STK39: variants seen among roughly 807,000 people sequenced by gnomAD.
STK39 encodes the protein serine/threonine kinase 39, also known as STE20/SPS1-related proline-alanine-rich protein kinase.
In STK39, 20 loss-of-function variants were observed where a neutral mutation model predicts 77.8. That is an observed-to-expected ratio of 0.26 (90% CI 0.18 to 0.37). The LOEUF (loss-of-function observed/expected upper bound fraction) is 0.37. Ranked by LOEUF, STK39 falls within the 10% of genes least tolerant of loss-of-function variation. The pLI, the probability that STK39 is intolerant of heterozygous loss-of-function variation, is 1.00. For missense variants in STK39, 479 were observed against 656.5 expected, an observed-to-expected ratio of 0.73 and a Z score of 2.95; for synonymous variants, 246 against 234.1, an observed-to-expected ratio of 1.05 and a Z score of -0.47.
At chr2:168,239,857 C>A (rs2105277669) in intron 1 of STK39, among the ~76,000 whole-genome samples, 1 of 152,182 alleles carries the variant, frequency 6.6e-6, no homozygotes, top group South Asian at 2.1e-4. Flanking sequence ...GCCTGAAGGG[C>A]AAGGGGGGAG....
chr2:168,110,835 C>T (rs1687103195), intron 10 of STK39, among the ~76,000 whole-genome samples: 1 of 152,164 alleles, frequency 6.6e-6, no homozygotes. Flanking sequence ...TAATTTGGAA[C>T]AGCATTGACT....
chr2:168,017,215 T>G (rs1345737609), intron 14 of STK39, 120 bp from the exon 15 acceptor site: 7 of 498,346 alleles, frequency 1.4e-5, no homozygotes, highest in Non-Finnish European at 2.4e-5. Context: ...AGTTTGAGGT[T>G]ACCTCCAAGT....
intron 14 of STK39, among the ~76,000 whole-genome samples, chr2:168,050,506 G>A (rs1685366804): frequency 6.6e-6 from 1 of 152,170 alleles, no homozygotes; most frequent in African/African-American, 2.4e-5. Flanking sequence ...TAATCACAAG[G>A]GTCCTTAAAA....
At position 168,195,337 on chromosome 2, in the gene STK39, T is replaced by C. The variant is rs563700719; in HGVS notation, c.209-13247A>G. On this transcript the variant is annotated intron_variant, in intron 1 of 17. Coordinates refer to ENST00000355999, the MANE Select transcript of STK39 (RefSeq NM_013233.3). ...ATCGCTTGAGCAGAGGAAGTTGAGGTTGCAGTGAGCCACGATGGCACTACT... is the reference window on the plus strand; with the variant it reads ...ATCGCTTGAGCAGAGGAAGTTGAGGCTGCAGTGAGCCACGATGGCACTACT... 5.3e-4 allele frequency among the ~76,000 whole-genome samples: 81 copies of C among 152,234 alleles called. 1 individual carries two copies. The highest frequency in any genetic ancestry group is 1.7e-3 in the African/African-American group (71 of 41,540).
At chr2:168,009,055 G>T (rs1241330044) in intron 16 of STK39, among the ~76,000 whole-genome samples, 2 of 152,182 alleles carry the variant, frequency 1.3e-5, no homozygotes. Context: ...TTTGAGTGGA[G>T]TAGGAAGGTC....
chr2:168,246,592 G>T (rs1190287911), intron 1 of STK39, among the ~76,000 whole-genome samples: 2 of 152,208 alleles, frequency 1.3e-5, no homozygotes, highest in African/African-American at 2.4e-5. Flanking sequence ...GCGGGTACCC[G>T]GGCGCGCCGA....
At chr2:168,014,266 C>T (rs1684350323) in intron 15 of STK39, among the ~76,000 whole-genome samples, 1 of 152,106 alleles carries the variant, frequency 6.6e-6, no homozygotes, top group South Asian at 2.1e-4. Context: ...AAGATGACTG[C>T]TTGAGCCCAG....
chr2:168,036,761 T>A (rs1212749482), intron 14 of STK39, among the ~76,000 whole-genome samples: 1 of 152,176 alleles, frequency 6.6e-6, no homozygotes, highest in African/African-American at 2.4e-5. Flanking sequence ...TAGAGCTTAA[T>A]GATAGAGCAA....
At chr2:168,182,797 C>T (rs980751609) in intron 1 of STK39, among the ~76,000 whole-genome samples, 1 of 152,132 alleles carries the variant, frequency 6.6e-6, no homozygotes, top group African/African-American at 2.4e-5. Context: ...AACTCCTAAT[C>T]GGCTTTATAC....
chr2:168,084,203 G>C (rs759410593), intron 10 of STK39, among the ~76,000 whole-genome samples: 5 of 152,176 alleles, frequency 3.3e-5, no homozygotes, highest in Non-Finnish European at 7.3e-5. Flanking sequence ...GGGAGAATGA[G>C]AAAATCTGGA....
At chr2:168,240,182 G>C (rs1690724290) in intron 1 of STK39, among the ~76,000 whole-genome samples, 1 of 152,200 alleles carries the variant, frequency 6.6e-6, no homozygotes. Flanking sequence ...CCCACTGGCT[G>C]GAGAGTCTGT....
At chr2:168,146,405 C>G (rs1208466131) in intron 5 of STK39, among the ~76,000 whole-genome samples, 3 of 152,170 alleles carry the variant, frequency 2.0e-5, no homozygotes, top group Non-Finnish European at 2.9e-5. Flanking sequence ...TCTCTTTGAT[C>G]AGAGAGTAAC....
chr2:168,103,573 C>G (rs377140329), intron 10 of STK39, among the ~76,000 whole-genome samples: 1 of 152,282 alleles, frequency 6.6e-6, no homozygotes, highest in South Asian at 2.1e-4. Flanking sequence ...AGTTAGGGCC[C>G]AGCAGGATAA....
At chr2:168,124,982 G>A (rs1687504696) in intron 10 of STK39, among the ~76,000 whole-genome samples, 1 of 151,974 alleles carries the variant, frequency 6.6e-6, no homozygotes, top group Non-Finnish European at 1.5e-5. Flanking sequence ...GGGGGGTGGG[G>A]GACTAGGGAA....
At chr2:168,219,879 T>TA (rs1690121253) in intron 1 of STK39, among the ~76,000 whole-genome samples, 2 of 98,806 alleles carry the variant, frequency 2.0e-5, no homozygotes, top group South Asian at 6.0e-4. Flanking sequence ...CTTTTTTTTT[T>TA]TTTTTTGCAA....
intron 1 of STK39, among the ~76,000 whole-genome samples, chr2:168,236,156 G>A (rs557817980): frequency 6.6e-5 from 10 of 152,206 alleles, no homozygotes; most frequent in African/African-American, 2.4e-4. Flanking sequence ...TCTAACTGGT[G>A]TGAGATGGTA....
At chr2:168,091,028 G>C (rs1489324801) in intron 10 of STK39, among the ~76,000 whole-genome samples, 1 of 152,094 alleles carries the variant, frequency 6.6e-6, no homozygotes, top group African/African-American at 2.4e-5. Flanking sequence ...ATAATTCAAA[G>C]AAGCAAACAG....
chr2:168,018,272 G>C (rs1684465465), intron 14 of STK39, among the ~76,000 whole-genome samples: 1 of 152,092 alleles, frequency 6.6e-6, no homozygotes, highest in African/African-American at 2.4e-5. Flanking sequence ...GGCTGAGGCA[G>C]GTGGATCACT....
At chr2:168,136,548 T>C (rs1445611053) in intron 8 of STK39, among the ~76,000 whole-genome samples, 3 of 152,114 alleles carry the variant, frequency 2.0e-5, no homozygotes, top group Non-Finnish European at 4.4e-5. Flanking sequence ...TTGTGTGACA[T>C]TACAAATCAC....
Sources: allele counts gnomAD v4.1 joint callset (sites outside exome capture counted in the v4.1 genomes callset), GRCh38; gene constraint gnomAD v4.1.1; transcripts MANE v1.5; gene names NCBI Gene and HGNC (gene_info 2026-07-23, HGNC 2026-07-21).